Variants in PCDHGB2 observed in about 807,000 individuals in gnomAD.
PCDHGB2 encodes the protein protocadherin gamma-B2.
In PCDHGB2, 55 loss-of-function variants were observed where a neutral mutation model predicts 59.3. The observed-to-expected ratio is 0.93, with a 90% CI of 0.75 to 1.16. The LOEUF (loss-of-function observed/expected upper bound fraction) is 1.16. Among genes scored for constraint, PCDHGB2 ranks in the 50% most tolerant of loss-of-function variants. The pLI, the probability that PCDHGB2 is intolerant of heterozygous loss-of-function variation, is 0.00. For synonymous variants in PCDHGB2, 516 were observed against 512.0 expected (o/e 1.01, Z -0.11); for missense variants, 1,228 against 1,198.5 (o/e 1.02, Z -0.36).
chr5:141,451,322 T>C (rs1452969719), intron 1 of PCDHGB2, among the ~76,000 whole-genome samples: 1 of 152,236 alleles, frequency 6.6e-6, no homozygotes, highest in African/African-American at 2.4e-5. Flanking sequence ...AAGTGTCACC[T>C]AAGGCTATTG....
At chr5:141,459,442 A>G (rs2098968073) in intron 1 of PCDHGB2, among the ~76,000 whole-genome samples, 1 of 152,198 alleles carries the variant, frequency 6.6e-6, no homozygotes, top group South Asian at 2.1e-4. Context: ...CATTCATTCA[A>G]CTGTTGGTGG....
rs1160654712 is a variant in PCDHGB2, at chr5:141,360,146, G to A, written c.11G>A (p.Ser4Asn). The part of the protein sequence containing the change: MKA[S>N]SGRCGLVRWL... Reference sequence around the variant, plus strand: ...AAAGGGAGCCAGAAGATGAAAGCGAGCTCAGGGAGGTGCGGGCTGGTGCGG... The same window carrying A: ...AAAGGGAGCCAGAAGATGAAAGCGAACTCAGGGAGGTGCGGGCTGGTGCGG... Residue 4 changes from serine to asparagine, a missense_variant, in exon 1 of 4, where the codon AGC (serine) becomes AAC (asparagine). Ser to Asn is a conservative substitution (Grantham distance 46). Around this residue, in one of 3 missense-constraint regions of PCDHGB2, gnomAD observed 781 missense variants for 721.6 expected, o/e 1.08. Coordinates refer to ENST00000522605, the MANE Select transcript of PCDHGB2 (RefSeq NM_018923.3). 12 of 1,600,736 alleles carry A rather than the reference G, an allele frequency of 7.5e-6. No homozygotes were observed. The East Asian group carries it at 1.4e-4, about 18-fold the overall frequency.
chr5:141,418,699 C>A, intron 1 of PCDHGB2: 1 of 1,614,014 alleles, frequency 6.2e-7, no homozygotes, highest in Non-Finnish European at 8.5e-7. Context: ...TCACTTATTC[C>A]TTCTTTGGTG....
At chr5:141,393,230 A>G (rs2092708331) in intron 1 of PCDHGB2, 1 of 1,613,764 alleles carries the variant, frequency 6.2e-7, no homozygotes, top group Non-Finnish European at 8.5e-7. Context: ...AAGATCTAGA[A>G]GTAAAAATTA....
chr5:141,504,963 AC>A (rs1409940135), intron 2 of PCDHGB2, among the ~76,000 whole-genome samples: 1 of 152,038 alleles, frequency 6.6e-6, no homozygotes, highest in Non-Finnish European at 1.5e-5. Context: ...AATGCATTGG[AC>A]CAGCCTGGCC....
intron 1 of PCDHGB2, chr5:141,398,768 C>T (rs1177677138): frequency 6.2e-6 from 10 of 1,613,946 alleles, no homozygotes; most frequent in South Asian, 1.1e-5. Context: ...GTCCTGACTG[C>T]CTTGGACGGT....
At chr5:141,363,277 T>G (rs1254714580) in intron 1 of PCDHGB2, among the ~76,000 whole-genome samples, 3 of 152,270 alleles carry the variant, frequency 2.0e-5, no homozygotes, top group African/African-American at 7.2e-5. Context: ...GCTTTTGAAT[T>G]TCCTAATTAT....
intron 1 of PCDHGB2, chr5:141,384,357 G>A (rs1226263341): frequency 1.2e-6 from 2 of 1,613,734 alleles, no homozygotes; most frequent in African/African-American, 2.7e-5. Flanking sequence ...ATAATGCCCA[G>A]ATCACTTATT....
Position 141,490,457 on chromosome 5 carries a change from T to C in PCDHGB2, c.2422-4350T>C. 1 of 1,614,214 alleles carries C rather than the reference T, an allele frequency of 6.2e-7. No homozygotes were observed. Among genetic ancestry groups the C allele is most frequent in the Non-Finnish European group, 8.5e-7 (1 of 1,180,042 alleles). ...AAGCCTTCTGAGAACCACTACTCGC[T>C]GCTAACCAGCCAGCCTTTGGACCGG... On this transcript the variant is annotated intron_variant, in intron 1 of 3. Coordinates refer to ENST00000522605, the MANE Select transcript of PCDHGB2 (RefSeq NM_018923.3). The surrounding 1 kb of genome is among the most constrained non-coding windows in gnomAD (Gnocchi z 5.4).
At chr5:141,464,931 G>T (rs2099093694) in intron 1 of PCDHGB2, among the ~76,000 whole-genome samples, 1 of 151,942 alleles carries the variant, frequency 6.6e-6, no homozygotes, top group Non-Finnish European at 1.5e-5. Context: ...GTAGAGATGT[G>T]AGGTCTCACT....
intron 1 of PCDHGB2, among the ~76,000 whole-genome samples, chr5:141,468,914 G>A (rs563780068): frequency 2.6e-5 from 4 of 151,700 alleles, no homozygotes; most frequent in Admixed American, 2.6e-4. Context: ...CAGACTAGAA[G>A]AGAATAGCAC....
chr5:141,490,445 A>G lies in PCDHGB2; in HGVS notation c.2422-4362A>G, dbSNP rs2099700298. 6.2e-7 allele frequency: 1 copy of G among 1,614,022 alleles called. No individual in the cohort carries two copies. The highest frequency in any genetic ancestry group is 8.5e-7 in the Non-Finnish European group (1 of 1,180,030). ...CCATTTCAGATTAAGCCTTCTGAGA[A>G]CCACTACTCGCTGCTAACCAGCCAG... On this transcript the variant is annotated intron_variant, in intron 1 of 3. Coordinates refer to ENST00000522605, the MANE Select transcript of PCDHGB2 (RefSeq NM_018923.3). The surrounding 1 kb of genome is among the most constrained non-coding windows in gnomAD (Gnocchi z 5.4).
At chr5:141,475,760 C>T (rs1480762060) in intron 1 of PCDHGB2, among the ~76,000 whole-genome samples, 1 of 152,286 alleles carries the variant, frequency 6.6e-6, no homozygotes, top group Non-Finnish European at 1.5e-5. Flanking sequence ...TGCACCGATA[C>T]TGGCAAGGCG....
At chr5:141,369,977 G>T (rs1398752319) in intron 1 of PCDHGB2, among the ~76,000 whole-genome samples, 1 of 152,202 alleles carries the variant, frequency 6.6e-6, no homozygotes, top group African/African-American at 2.4e-5. Flanking sequence ...AAAGGTACTT[G>T]ATTTGGATGG....
intron 1 of PCDHGB2, chr5:141,403,345 A>C (rs1267522141): frequency 1.2e-6 from 2 of 1,614,050 alleles, no homozygotes; most frequent in South Asian, 2.2e-5. Context: ...ACAGCGCCCC[A>C]AAGTTCCAGG....
rs145748099 is a variant in PCDHGB2, at chr5:141,365,734, T to A, written c.2421+3178T>A. ...CTGTCACAGAAAACAATCCCAGAGG[T>A]GTCTCTATCTTCTCTGTGACAGCCC... On this transcript the variant is annotated intron_variant, in intron 1 of 3. Coordinates refer to ENST00000522605, the MANE Select transcript of PCDHGB2 (RefSeq NM_018923.3). The A allele has an allele frequency of 1.9e-6, 3 of 1,613,550 alleles. No individual in the cohort carries two copies. The African/African-American group carries it at 4.0e-5, about 22-fold the overall frequency.
At chr5:141,374,608 T>A in intron 1 of PCDHGB2, 1 of 1,613,602 alleles carries the variant, frequency 6.2e-7, no homozygotes, top group South Asian at 1.1e-5. Context: ...TCAGTGGTAA[T>A]AGTCACTTCT....
intron 1 of PCDHGB2, among the ~76,000 whole-genome samples, chr5:141,462,483 G>T (rs1402125086): frequency 2.0e-5 from 3 of 151,986 alleles, no homozygotes; most frequent in African/African-American, 7.3e-5. Context: ...TCTCGTGGTT[G>T]TTGTATCCTA....
rs1297208780 is a variant in PCDHGB2 at position 141,486,613 on chromosome 5, T to C, written c.2422-8194T>C. 2 of 1,613,658 alleles carry C rather than the reference T, an allele frequency of 1.2e-6. No individual in the cohort carries two copies. The highest frequency in any genetic ancestry group is 2.7e-5 in the African/African-American group (2 of 75,074). On this transcript the variant is annotated intron_variant, in intron 1 of 3. Coordinates refer to ENST00000522605, the MANE Select transcript of PCDHGB2 (RefSeq NM_018923.3). The surrounding 1 kb of genome is among the most constrained non-coding windows in gnomAD (Gnocchi z 5.0). ...ACCTGCTTTGCTCCCTTGCAGCCTC[T>C]GACCCAGACTCTGGCTTGAATGCGC...
Sources: gnomAD v4.1 joint callset for allele counts (sites outside exome capture counted in the v4.1 genomes callset) on GRCh38, gnomAD v4.1.1 for gene constraint, gnomAD v4.1.1 regional missense constraint, Gnocchi (gnomAD v3.1) non-coding constraint, MANE v1.5 for transcripts, NCBI Gene and HGNC (gene_info 2026-07-23, HGNC 2026-07-21) for gene names.